ADAM22: variants seen among roughly 807,000 people sequenced by gnomAD.
ADAM22 encodes the protein ADAM metallopeptidase domain 22.
A neutral mutation model predicts 144.6 loss-of-function variants in ADAM22; 65 were observed. That is an observed-to-expected ratio of 0.45 (90% CI 0.37 to 0.55). The LOEUF (loss-of-function observed/expected upper bound fraction) is 0.55. ADAM22 is among the 20% of genes least tolerant of loss of function. The probability of loss-of-function intolerance (pLI) is 0.00; values close to 1 mark genes in which losing one functional copy is unlikely to be tolerated. For missense variants in ADAM22, 974 were observed against 1,184.9 expected (o/e 0.82, Z 2.61); for synonymous variants, 391 against 412.6 (o/e 0.95, Z 0.63).
chr7:88,049,353 C>T (rs1023638798), intron 3 of ADAM22, among the ~76,000 whole-genome samples: 7 of 152,036 alleles, frequency 4.6e-5, no homozygotes, highest in Non-Finnish European at 8.8e-5. Flanking sequence ...ACCCTGTACA[C>T]TGTTTCTTTT....
chr7:87,975,749 C>A (rs1013185207), intron 2 of ADAM22, among the ~76,000 whole-genome samples: 3 of 152,178 alleles, frequency 2.0e-5, no homozygotes, highest in Non-Finnish European at 4.4e-5. Context: ...GTGAATAACA[C>A]GTGGCCCTTG....
chr7:88,034,637 T>G (rs763437967), intron 3 of ADAM22, among the ~76,000 whole-genome samples: 16 of 152,160 alleles, frequency 1.1e-4, no homozygotes, highest in Non-Finnish European at 1.8e-4. Flanking sequence ...TGGCTTAGAC[T>G]GTCTTTCAGG....
intron 12 of ADAM22, 133 bp from the exon 13 acceptor site, chr7:88,134,196 A>G (rs1233297443): frequency 3.3e-6 from 2 of 605,356 alleles, no homozygotes; most frequent in Non-Finnish European, 5.5e-6. Flanking sequence ...TGCTGGCTAC[A>G]GTGTGTTCAG....
intron 3 of ADAM22, among the ~76,000 whole-genome samples, chr7:87,991,213 C>T (rs1053888547): frequency 2.0e-5 from 3 of 152,024 alleles, no homozygotes; most frequent in Non-Finnish European, 2.9e-5. Flanking sequence ...TTTATTATAT[C>T]TTAGAATTGA....
intron 3 of ADAM22, among the ~76,000 whole-genome samples, chr7:88,042,462 T>G (rs1250897455): frequency 6.6e-6 from 1 of 152,044 alleles, no homozygotes; most frequent in Admixed American, 6.6e-5. Context: ...TGGAGCTGCT[T>G]ATAGCTATTG....
chr7:88,041,845 A>G (rs911015317), intron 3 of ADAM22, among the ~76,000 whole-genome samples: 2 of 151,974 alleles, frequency 1.3e-5, no homozygotes, highest in African/African-American at 2.4e-5. Context: ...CTTTGTGTGT[A>G]TGTGTGTGAG....
intron 13 of ADAM22, among the ~76,000 whole-genome samples, chr7:88,135,663 C>A (rs1332741935): frequency 6.6e-6 from 1 of 152,106 alleles, no homozygotes; most frequent in Non-Finnish European, 1.5e-5. Context: ...TGTAATAGTG[C>A]CATAAAGTTC....
At chr7:87,994,766 C>T (rs548443735) in intron 3 of ADAM22, among the ~76,000 whole-genome samples, 1 of 152,260 alleles carries the variant, frequency 6.6e-6, no homozygotes, top group East Asian at 1.9e-4. Flanking sequence ...CCTAGTTAAT[C>T]ACACAAGTAG....
At chr7:88,091,264 T>C (rs570341996) in intron 4 of ADAM22, among the ~76,000 whole-genome samples, 16 of 152,316 alleles carry the variant, frequency 1.1e-4, no homozygotes, top group Non-Finnish European at 1.8e-4. Context: ...AGGCTACTGA[T>C]GGATTATTCT....
intron 2 of ADAM22, among the ~76,000 whole-genome samples, chr7:87,971,034 T>A (rs1019586768): frequency 6.6e-6 from 1 of 152,152 alleles, no homozygotes; most frequent in Non-Finnish European, 1.5e-5. Flanking sequence ...CTTTACCATA[T>A]CCATGTAATT....
intron 4 of ADAM22, among the ~76,000 whole-genome samples, chr7:88,085,634 G>C (rs1371279667): frequency 6.6e-6 from 1 of 152,142 alleles, no homozygotes; most frequent in African/African-American, 2.4e-5. Flanking sequence ...AACTGACACA[G>C]AAATTCACAT....
At chr7:87,967,807 CAAAAAAAAAAAA>C (rs35787636) in intron 2 of ADAM22, among the ~76,000 whole-genome samples, 3 of 60,952 alleles carry the variant, frequency 4.9e-5, no homozygotes, top group African/African-American at 2.2e-4. Flanking sequence ...GACTCTGTCT[CAAAAAAAAAAAA>C]AAAAAAAAAA....
intron 3 of ADAM22, among the ~76,000 whole-genome samples, chr7:88,060,959 C>T (rs1222163205): frequency 6.6e-6 from 1 of 151,564 alleles, no homozygotes; most frequent in Non-Finnish European, 1.5e-5. Flanking sequence ...CAAAACTTAG[C>T]CTGGTGTGGT....
chr7:88,110,219 C>A (rs1825641014), intron 5 of ADAM22, among the ~76,000 whole-genome samples: 2 of 152,148 alleles, frequency 1.3e-5, no homozygotes, highest in Non-Finnish European at 2.9e-5. Context: ...ACATTGAAGT[C>A]CTTTTCAGCA....
In ADAM22 at chr7:87,935,118, G is replaced by A; in HGVS notation, c.178G>A (p.Gly60Ser). Residue 60 changes from glycine (G) to serine (S), a missense_variant, in exon 2 of 32, where the codon GGC (glycine) becomes AGC (serine). Around this residue, in one of 2 missense-constraint regions of ADAM22, gnomAD observed 240 missense variants for 234.3 expected, o/e 1.02. Transcript: ENST00000413139. ...GCCACTGCGCCTCATCTACCGCTCG[G>A]GCGGCGAAGACGAAAGTCGGCACGA... ...IVPLRLIYRS[G>S]GEDESRHDAL... 1 of 1,613,842 alleles carries A rather than the reference G, an allele frequency of 6.2e-7. No homozygotes were observed. The highest frequency in any genetic ancestry group is 8.5e-7 in the Non-Finnish European group (1 of 1,179,954).
chr7:88,034,921 G>A (rs1000765942), intron 3 of ADAM22, among the ~76,000 whole-genome samples: 1 of 152,140 alleles, frequency 6.6e-6, no homozygotes, highest in African/African-American at 2.4e-5. Flanking sequence ...GGCAATTGAA[G>A]ACTGTCTTTC....
chr7:87,978,651 A>G (rs1388705427), intron 3 of ADAM22, among the ~76,000 whole-genome samples: 1 of 152,212 alleles, frequency 6.6e-6, no homozygotes, highest in Non-Finnish European at 1.5e-5. Context: ...GGCAAGAGTT[A>G]CCCCAATATT....
chr7:88,110,058 C>T (rs1825604460), intron 5 of ADAM22, among the ~76,000 whole-genome samples: 1 of 152,194 alleles, frequency 6.6e-6, no homozygotes, highest in Admixed American at 6.5e-5. Context: ...GCATGGAAGA[C>T]TTCCATTTCC....
intron 24 of ADAM22, among the ~76,000 whole-genome samples, chr7:88,167,175 G>T (rs1467317834): frequency 6.6e-6 from 1 of 152,128 alleles, no homozygotes; most frequent in Non-Finnish European, 1.5e-5. Flanking sequence ...CCTCAGGAGT[G>T]GAGCAGGCAA....
Sources: gnomAD v4.1 joint callset for allele counts (sites outside exome capture counted in the v4.1 genomes callset) on GRCh38, gnomAD v4.1.1 for gene constraint, gnomAD v4.1.1 regional missense constraint, MANE v1.5 for transcripts, NCBI Gene and HGNC (gene_info 2026-07-23, HGNC 2026-07-21) for gene names.